LMX1B: variants seen among roughly 807,000 people sequenced by gnomAD.
LMX1B encodes LIM homeobox transcription factor 1-beta.
A neutral mutation model predicts 51.4 loss-of-function variants in LMX1B; 12 were observed. That is an observed-to-expected ratio of 0.23 (90% CI 0.15 to 0.38). The LOEUF (loss-of-function observed/expected upper bound fraction) is 0.38, where lower values mean the gene tolerates loss of function less well. LMX1B is among the 10% of genes least tolerant of loss of function. LMX1B has a pLI of 1.00. For missense variants in LMX1B, 445 were observed against 571.1 expected, an observed-to-expected ratio of 0.78 and a Z score of 2.25; for synonymous variants, 237 against 235.4, an observed-to-expected ratio of 1.01 and a Z score of -0.06.
chr9:126,620,239 CTG>C (rs1247382396), intron 2 of LMX1B, among the ~76,000 whole-genome samples: 1 of 152,164 alleles, frequency 6.6e-6, no homozygotes, highest in Non-Finnish European at 1.5e-5. Context: ...TCGTAGGACA[CTG>C]TAAAAGTCTT....
chr9:126,664,658 C>T (rs1308177473), intron 2 of LMX1B, among the ~76,000 whole-genome samples: 7 of 152,172 alleles, frequency 4.6e-5, no homozygotes, highest in Admixed American at 4.6e-4. Context: ...GGCAGATCAC[C>T]AGGTCAGGAG....
rs376851692 is a variant in LMX1B at position 126,696,490 on chromosome 9, G to A, written c.*39G>A. Reference sequence around the variant, plus strand: ...GCACGGACGCTTGGGCAGGGGCCTGGGGGGGACTGCCAGCCTCTGCGGCCA... The same window carrying A: ...GCACGGACGCTTGGGCAGGGGCCTGAGGGGGACTGCCAGCCTCTGCGGCCA... On this transcript the variant is annotated 3_prime_UTR_variant, in exon 8 of 8. Transcript: ENST00000373474. The A allele has an allele frequency of 6.2e-7, 1 of 1,611,230 alleles. No homozygotes were observed. Among genetic ancestry groups the A allele is most frequent in the East Asian group, 2.2e-5 (1 of 44,822 alleles).
Position 126,677,446 on chromosome 9 carries a change from G to C in LMX1B, c.327-13390G>C, listed in dbSNP as rs1836584693. On this transcript the variant is annotated intron_variant, in intron 2 of 7. Coordinates refer to ENST00000373474, the MANE Select transcript of LMX1B (RefSeq NM_001174147.2). The surrounding 1 kb of genome is among the most constrained non-coding windows in gnomAD (Gnocchi z 5.0). Reference sequence around the variant, plus strand: ...TCTCCACAAAAAGCCCGGCACAACAGGTCACTGGCTAGAAGCAGGTATCAG... The same window carrying C: ...TCTCCACAAAAAGCCCGGCACAACACGTCACTGGCTAGAAGCAGGTATCAG... Among the ~76,000 whole-genome samples the C allele has an allele frequency of 6.6e-6, 1 of 152,176 alleles. No homozygotes were observed. Among genetic ancestry groups the C allele is most frequent in the African/African-American group, 2.4e-5 (1 of 41,434 alleles).
chr9:126,652,006 G>A (rs913936766), intron 2 of LMX1B, among the ~76,000 whole-genome samples: 1 of 151,910 alleles, frequency 6.6e-6, no homozygotes, highest in Non-Finnish European at 1.5e-5. Context: ...GAGATGGGGG[G>A]GGGCCTGCCT....
chr9:126,684,721 AAG>A (rs1836741152), intron 2 of LMX1B, among the ~76,000 whole-genome samples: 1 of 152,140 alleles, frequency 6.6e-6, no homozygotes, highest in Non-Finnish European at 1.5e-5. Context: ...TTCCAGTCAC[AAG>A]AGTCACTTAG....
At position 126,614,583 on chromosome 9, in the gene LMX1B, T is replaced by C. The variant is rs1835264358; in HGVS notation, c.134T>C (p.Leu45Pro). 2 of 1,599,356 alleles carry C rather than the reference T, an allele frequency of 1.3e-6. No homozygotes were observed. Among genetic ancestry groups the C allele is most frequent in the Non-Finnish European group, 1.7e-6 (2 of 1,173,006 alleles). ...CCCGGGCCCGCCACTCTGGGGGTGC[T>C]GCTGGGTGAGTGCGGGGTCGGAACG... The part of the protein sequence containing the change: ...LRPGPATLGV[L>P]LGSDCPHPAV... Residue 45 changes from leucine to proline, a missense_variant, in exon 1 of 8, where the codon CTG (leucine) becomes CCG (proline). Transcript: ENST00000373474.
intron 2 of LMX1B, among the ~76,000 whole-genome samples, chr9:126,680,012 T>G (rs1422418126): frequency 1.3e-5 from 2 of 152,258 alleles, no homozygotes; most frequent in Non-Finnish European, 2.9e-5. Flanking sequence ...CACCTGGCTC[T>G]GGGCCTGGCC....
intron 6 of LMX1B, among the ~76,000 whole-genome samples, chr9:126,694,946 C>A (rs913020011): frequency 1.3e-5 from 2 of 152,120 alleles, no homozygotes; most frequent in African/African-American, 4.8e-5. Flanking sequence ...CATGGCATGC[C>A]CTGCTCCTCC....
At chr9:126,696,232 A>C in intron 7 of LMX1B, 62 bp from the exon 8 acceptor site, 2 of 1,542,176 alleles carry the variant, frequency 1.3e-6, no homozygotes, top group Non-Finnish European at 1.8e-6. Flanking sequence ...CTACAGGGCA[A>C]ACAGGGGGCC....
chr9:126,648,857 G>T (rs745841092), intron 2 of LMX1B, among the ~76,000 whole-genome samples: 7 of 152,158 alleles, frequency 4.6e-5, no homozygotes, highest in Non-Finnish European at 8.8e-5. Flanking sequence ...GGGAGGCAAT[G>T]GCTTGCAGCC....
chr9:126,659,378 G>A (rs1225477901), intron 2 of LMX1B, among the ~76,000 whole-genome samples: 1 of 152,234 alleles, frequency 6.6e-6, no homozygotes, highest in African/African-American at 2.4e-5. Context: ...GCAATTTCAC[G>A]CTGTCCCCAG....
chr9:126,678,329 C>CA (rs942985684), intron 2 of LMX1B, among the ~76,000 whole-genome samples: 4,807 of 117,720 alleles, frequency 0.041, 124 homozygotes, highest in South Asian at 0.074. Context: ...AAACAAAAAA[C>CA]AAAAAAAAAA....
intron 2 of LMX1B, among the ~76,000 whole-genome samples, chr9:126,669,176 C>T (rs542546943): frequency 2.0e-5 from 3 of 152,134 alleles, no homozygotes; most frequent in African/African-American, 4.8e-5. Context: ...GCATTCCATG[C>T]GGCGAGGGTG....
At chr9:126,617,252 G>A (rs1043684973) in intron 2 of LMX1B, among the ~76,000 whole-genome samples, 3 of 151,760 alleles carry the variant, frequency 2.0e-5, no homozygotes, top group Non-Finnish European at 4.4e-5. Context: ...CTGCACCCCT[G>A]GCCTCACTCT....
chr9:126,687,903 G>A (rs1160930784), intron 2 of LMX1B, among the ~76,000 whole-genome samples: 1 of 152,150 alleles, frequency 6.6e-6, no homozygotes, highest in Non-Finnish European at 1.5e-5. Context: ...TCACAGAGAA[G>A]AGGGAACCCC....
chr9:126,681,249 A>T (rs758471503), intron 2 of LMX1B, among the ~76,000 whole-genome samples: 10 of 151,766 alleles, frequency 6.6e-5, no homozygotes, highest in African/African-American at 2.4e-4. Context: ...CTCTCCCTGA[A>T]CTCCAACCTC....
rs139862413 is a variant in LMX1B at position 126,693,176 on chromosome 9, G to A, written c.594G>A (p.Pro198=). 49 of 1,598,960 alleles carry A rather than the reference G, an allele frequency of 3.1e-5. No homozygotes were observed. The Admixed American group carries it at 4.7e-4, about 15-fold the overall frequency. ...KSEDEDGDMK[P]AKGQGSQSKG... ...AGGATGAAGATGGGGACATGAAGCC[G>A]GCCAAGGGGCAGGGCAGTCAGAGCA... The change falls in exon 4 of 8, where the codon CCG becomes CCA. Residue 198 remains proline, a synonymous_variant. Transcript: ENST00000373474.
intron 2 of LMX1B, among the ~76,000 whole-genome samples, chr9:126,678,936 A>G (rs1836622436): frequency 6.6e-6 from 1 of 152,272 alleles, no homozygotes; most frequent in African/African-American, 2.4e-5. Flanking sequence ...GTGTTGTTAC[A>G]GCCCTAATTA....
At chr9:126,686,038 T>C (rs1344629784) in intron 2 of LMX1B, among the ~76,000 whole-genome samples, 5 of 152,102 alleles carry the variant, frequency 3.3e-5, no homozygotes, top group African/African-American at 1.2e-4. Context: ...GAATCAGCCA[T>C]ACCCTGTGTG....
Sources: gnomAD v4.1 joint callset for allele counts (sites outside exome capture counted in the v4.1 genomes callset) on GRCh38, gnomAD v4.1.1 for gene constraint, Gnocchi (gnomAD v3.1) non-coding constraint, MANE v1.5 for transcripts, NCBI Gene and HGNC (gene_info 2026-07-23, HGNC 2026-07-21) for gene names.